Variants in SHANK2 observed in about 807,000 individuals in gnomAD.
SHANK2 encodes the protein SH3 and multiple ankyrin repeat domains 2, also known as SH3 and multiple ankyrin repeat domains protein 2.
A neutral mutation model predicts 133.7 loss-of-function variants in SHANK2; 43 were observed. The ratio of observed to expected loss-of-function variants is 0.32; its 90% CI spans 0.25 to 0.41. The LOEUF is 0.41. Among genes scored for constraint, SHANK2 ranks in the 10% least tolerant of loss-of-function variants. SHANK2 has a pLI of 1.00. For missense variants in SHANK2, 1,994 were observed against 2,235.8 expected (o/e 0.89, Z 2.18); for synonymous variants, 1,017 against 952.8 (o/e 1.07, Z -1.24).
intron 17 of SHANK2, among the ~76,000 whole-genome samples, chr11:70,505,800 C>A (rs987219231): frequency 1.3e-5 from 2 of 152,162 alleles, no homozygotes; most frequent in Middle Eastern, 3.4e-3. Flanking sequence ...AACAGCCTGG[C>A]CACTTAGGCA....
At position 70,820,438 on chromosome 11, in the gene SHANK2, G is replaced by A. The variant is rs1245568533; in HGVS notation, c.1419C>T (p.Ser473=). ...CCAGCCTGTTGAGCGATGGGGACCG[G>A]CTGCGGGGCCCGGGCACGTAGCTCC... The part of the protein sequence containing the change: ...TIGSYVPGPR[S]RSPSLNRLGG... Residue 473 remains serine (S), a synonymous_variant, in exon 12 of 26, where the codon AGC becomes AGT. Transcript: ENST00000601538. 4 of 711,476 alleles carry A rather than the reference G, an allele frequency of 5.6e-6. No individual in the cohort carries two copies. The highest frequency in any genetic ancestry group is 5.3e-5 in the African/African-American group (3 of 57,094). The allele number at this position is 711,476 out of a possible 1,614,324, so 44.1% of individuals were successfully genotyped here.
In SHANK2 at chr11:70,492,794, T is replaced by G. The variant is rs1317441523; in HGVS notation, c.2309-329A>C. 6.1e-4 allele frequency among the ~76,000 whole-genome samples: 85 copies of G among 140,024 alleles called. 1 individual carries two copies. Among genetic ancestry groups the G allele is most frequent in the Admixed American group, 1.1e-3 (15 of 14,082 alleles). The allele number at this position is 140,024 out of a possible 152,430, so 91.9% of individuals were successfully genotyped here. On this transcript the variant is annotated intron_variant, in intron 21 of 25. Transcript: ENST00000601538. Reference sequence around the variant, plus strand: ...TTTTTGGGACATTTCTGTGTTTTTTTTTTTTTTTTTTTTTTTTTTGAGACA... The same window carrying G: ...TTTTTGGGACATTTCTGTGTTTTTTGTTTTTTTTTTTTTTTTTTTGAGACA...
At chr11:70,734,836 G>A (rs1451219403) in intron 14 of SHANK2, among the ~76,000 whole-genome samples, 1 of 152,220 alleles carries the variant, frequency 6.6e-6, no homozygotes, top group East Asian at 1.9e-4. Context: ...GACCCTTGGG[G>A]ACGGCCCTCC....
intron 3 of SHANK2, among the ~76,000 whole-genome samples, chr11:71,129,961 C>T (rs1267620072): frequency 6.6e-6 from 1 of 152,202 alleles, no homozygotes; most frequent in African/African-American, 2.4e-5. Context: ...CCTCTGGAGG[C>T]CTCTCTTCCT....
intron 11 of SHANK2, among the ~76,000 whole-genome samples, chr11:70,867,602 A>C (rs1172557423): frequency 6.6e-6 from 1 of 152,210 alleles, no homozygotes; most frequent in African/African-American, 2.4e-5. Context: ...GGGTCAGCTC[A>C]GCCATGTTCC....
At chr11:70,799,093 C>T (rs1051431162) in intron 13 of SHANK2, among the ~76,000 whole-genome samples, 5 of 152,096 alleles carry the variant, frequency 3.3e-5, no homozygotes, top group Non-Finnish European at 5.9e-5. Flanking sequence ...AACAAGCGTG[C>T]GGAAGGAGAA....
chr11:71,231,209 T>A (rs1555122908), intron 1 of SHANK2, among the ~76,000 whole-genome samples: 1 of 151,928 alleles, frequency 6.6e-6, no homozygotes, highest in Non-Finnish European at 1.5e-5. Flanking sequence ...AATAAAGAAC[T>A]CTCAAAGCTC....
chr11:71,155,079 AG>A (rs1555108836), intron 2 of SHANK2, among the ~76,000 whole-genome samples: 22 of 116,662 alleles, frequency 1.9e-4, no homozygotes, highest in African/African-American at 1.3e-4. Flanking sequence ...ACGCTCCCGG[AG>A]GAGGGGTGGA....
At chr11:70,650,209 T>C (rs782782363) in intron 17 of SHANK2, among the ~76,000 whole-genome samples, 8 of 152,166 alleles carry the variant, frequency 5.3e-5, no homozygotes, top group Non-Finnish European at 7.4e-5. Context: ...CAGATGGACA[T>C]GGCAGGACAT....
intron 10 of SHANK2, chr11:70,907,816 A>G (rs748784825): frequency 9.2e-6 from 4 of 435,360 alleles, no homozygotes; most frequent in Admixed American, 2.5e-5. Context: ...AACTTAATAG[A>G]CTGGGTCAGA....
rs1954183312 is a variant in SHANK2, at chr11:71,208,637, C to T, written c.-13+16060G>A. The stretch of plus-strand genomic sequence containing the variant: ...TGGCATAGCAAGGGAGACCAACGAG[C>T]AGTCTCTGGAATACGAAACACTGGC... On this transcript the variant is annotated intron_variant, in intron 2 of 25. Transcript: ENST00000601538. Among the ~76,000 whole-genome samples, 6 of 152,160 alleles carry T rather than the reference C, an allele frequency of 3.9e-5. No individual in the cohort carries two copies. The East Asian group carries it at 9.7e-4, about 25-fold the overall frequency.
At chr11:70,727,520 A>C (rs1946201591) in intron 14 of SHANK2, among the ~76,000 whole-genome samples, 1 of 152,134 alleles carries the variant, frequency 6.6e-6, no homozygotes, top group Non-Finnish European at 1.5e-5. Flanking sequence ...GTATCCTAGG[A>C]GCTGGCATCC....
intron 11 of SHANK2, among the ~76,000 whole-genome samples, chr11:70,873,966 T>C (rs1038506336): frequency 6.6e-6 from 1 of 152,148 alleles, no homozygotes; most frequent in Non-Finnish European, 1.5e-5. Context: ...GTAGGCAGGC[T>C]GGGGGCAGCA....
At chr11:71,226,901 T>C (rs1044211794) in intron 1 of SHANK2, among the ~76,000 whole-genome samples, 4 of 152,154 alleles carry the variant, frequency 2.6e-5, no homozygotes, top group African/African-American at 4.8e-5. Context: ...TATTTGATGG[T>C]TGAAGCAAAA....
At chr11:70,917,978 A>T (rs888132872) in intron 10 of SHANK2, among the ~76,000 whole-genome samples, 1 of 151,994 alleles carries the variant, frequency 6.6e-6, no homozygotes, top group Non-Finnish European at 1.5e-5. Context: ...CCTAGGTAAC[A>T]AACCTGCCCG....
chr11:71,065,219 T>C (rs1951033278), intron 9 of SHANK2, among the ~76,000 whole-genome samples: 2 of 152,076 alleles, frequency 1.3e-5, no homozygotes, highest in African/African-American at 4.8e-5. Context: ...CCCGGGGAGA[T>C]AAGCAGTGAG....
intron 17 of SHANK2, among the ~76,000 whole-genome samples, chr11:70,561,878 G>A (rs1471802708): frequency 6.6e-6 from 1 of 152,126 alleles, no homozygotes; most frequent in African/African-American, 2.4e-5. Context: ...GCTTCTAAAG[G>A]TAGAAGCTGA....
intron 8 of SHANK2, among the ~76,000 whole-genome samples, chr11:71,076,882 G>C (rs1274094682): frequency 6.6e-6 from 1 of 152,230 alleles, no homozygotes; most frequent in African/African-American, 2.4e-5. Context: ...CAACTACTGG[G>C]GAAAAAGTTC....
intron 10 of SHANK2, among the ~76,000 whole-genome samples, chr11:70,937,066 T>G (rs1365918743): frequency 1.3e-5 from 2 of 152,178 alleles, no homozygotes; most frequent in African/African-American, 4.8e-5. Context: ...CACATACTTC[T>G]GCCCTGACAA....
Sources: allele counts gnomAD v4.1 joint callset (sites outside exome capture counted in the v4.1 genomes callset), GRCh38; gene constraint gnomAD v4.1.1; transcripts MANE v1.5; gene names NCBI Gene and HGNC (gene_info 2026-07-23, HGNC 2026-07-21).